Variants in CLVS1 observed in about 807,000 individuals in gnomAD.
The protein encoded by CLVS1 is clavesin 1.
A neutral mutation model predicts 33.1 loss-of-function variants in CLVS1; 10 were observed. The observed-to-expected ratio is 0.30, with a 90% CI of 0.19 to 0.51. The LOEUF (loss-of-function observed/expected upper bound fraction) is 0.51, where lower values mean the gene tolerates loss of function less well. Among genes scored for constraint, CLVS1 ranks in the 20% least tolerant of loss-of-function variants. CLVS1 has a pLI of 0.97. For missense variants in CLVS1, 343 were observed against 433.4 expected, an observed-to-expected ratio of 0.79 and a Z score of 1.85; for synonymous variants, 163 against 166.1, an observed-to-expected ratio of 0.98 and a Z score of 0.14.
At chr8:61,047,584 C>T in the CLVS1 span, among the ~76,000 whole-genome samples, 6 of 152,258 alleles carry the variant, frequency 3.9e-5, no homozygotes, top group African/African-American at 1.4e-4. Context: ...AAAAGGGGCA[C>T]ATATACACCA....
intron 2 of CLVS1, among the ~76,000 whole-genome samples, chr8:61,239,115 T>TAA (rs1808635438): frequency 6.6e-6 from 1 of 152,222 alleles, no homozygotes; most frequent in Non-Finnish European, 1.5e-5. Context: ...CAAAAAACTA[T>TAA]ACCTTTTTAA....
At chr8:61,314,309 G>C (rs1032371133) in intron 2 of CLVS1, among the ~76,000 whole-genome samples, 1 of 151,960 alleles carries the variant, frequency 6.6e-6, no homozygotes, top group Non-Finnish European at 1.5e-5. Flanking sequence ...CCATGGGTAG[G>C]GTATTTCACT....
intron 2 of CLVS1, among the ~76,000 whole-genome samples, chr8:61,234,584 A>G (rs1371916207): frequency 6.6e-6 from 1 of 152,296 alleles, no homozygotes; most frequent in African/African-American, 2.4e-5. Context: ...TTGCACCCTC[A>G]GGTCCACCCT....
chr8:61,461,574 C>T (rs763536715), intron 5 of CLVS1, among the ~76,000 whole-genome samples: 97 of 152,182 alleles, frequency 6.4e-4, no homozygotes, highest in Non-Finnish European at 1.1e-3. Flanking sequence ...CCCTCATAGA[C>T]CATGTGTTTA....
chr8:61,050,768 G>A, the CLVS1 span, among the ~76,000 whole-genome samples: 8 of 152,174 alleles, frequency 5.3e-5, no homozygotes, highest in Non-Finnish European at 1.2e-4. Flanking sequence ...TTCCTTCCTC[G>A]CCTTTGGCAC....
chr8:61,112,209 C>CACACACACACACACACACAT (rs141923511), intron 1 of CLVS1, among the ~76,000 whole-genome samples: 20 of 145,754 alleles, frequency 1.4e-4, no homozygotes, highest in Admixed American at 7.6e-4. Flanking sequence ...CACACACACA[C>CACACACACACACACACACAT]ACACACACAC....
the CLVS1 span, among the ~76,000 whole-genome samples, chr8:61,011,523 A>G: frequency 2.6e-5 from 4 of 152,110 alleles, no homozygotes; most frequent in Admixed American, 2.6e-4. Flanking sequence ...GTGTCGGCTC[A>G]CTGCAACATC....
intron 2 of CLVS1, among the ~76,000 whole-genome samples, chr8:61,301,761 C>T (rs781151700): frequency 3.3e-5 from 5 of 152,112 alleles, no homozygotes; most frequent in Non-Finnish European, 7.4e-5. Flanking sequence ...TTGTCTTAAC[C>T]CGACTTCATT....
intron 2 of CLVS1, among the ~76,000 whole-genome samples, chr8:61,139,884 G>C (rs577338357): frequency 9.0e-4 from 137 of 152,290 alleles, no homozygotes; most frequent in African/African-American, 3.1e-3. Flanking sequence ...GGCTACACCT[G>C]GTCCTGGATC....
intron 2 of CLVS1, among the ~76,000 whole-genome samples, chr8:61,224,916 T>C (rs1808295850): frequency 6.6e-6 from 1 of 152,206 alleles, no homozygotes; most frequent in African/African-American, 2.4e-5. Flanking sequence ...TTTCTAACCC[T>C]CTAAGTGCAC....
intron 2 of CLVS1, among the ~76,000 whole-genome samples, chr8:61,278,931 G>C (rs991569211): frequency 3.3e-5 from 5 of 152,266 alleles, no homozygotes; most frequent in Admixed American, 3.3e-4. Context: ...TGGGACAGAG[G>C]CCACAGCAAT....
chr8:61,058,172 G>C (rs748460040), intron 1 of CLVS1, among the ~76,000 whole-genome samples: 2 of 152,208 alleles, frequency 1.3e-5, no homozygotes, highest in African/African-American at 4.8e-5. Context: ...CTTATGACAG[G>C]TGCATTTTGG....
chr8:61,381,534 C>G (rs962545195), intron 3 of CLVS1, among the ~76,000 whole-genome samples: 9 of 152,084 alleles, frequency 5.9e-5, no homozygotes, highest in Non-Finnish European at 1.3e-4. Context: ...TATTTCATTA[C>G]CCAGGTAGTG....
intron 1 of CLVS1, among the ~76,000 whole-genome samples, chr8:61,121,390 C>T (rs1563410974): frequency 6.6e-6 from 1 of 152,144 alleles, no homozygotes; most frequent in Non-Finnish European, 1.5e-5. Flanking sequence ...GCCATCTTGG[C>T]TCCTTATTCA....
At chr8:61,030,514 G>C in the CLVS1 span, among the ~76,000 whole-genome samples, 2 of 152,208 alleles carry the variant, frequency 1.3e-5, no homozygotes, top group Admixed American at 6.5e-5. Flanking sequence ...TCTGTGTTCA[G>C]ACCCTGCAGT....
At chr8:61,193,528 A>G (rs1446948783) in intron 2 of CLVS1, among the ~76,000 whole-genome samples, 1 of 149,242 alleles carries the variant, frequency 6.7e-6, no homozygotes, top group Non-Finnish European at 1.5e-5. Context: ...TAAAAAAAAA[A>G]GAAAAACTCT....
chr8:61,427,766 T>G (rs1343163561), intron 3 of CLVS1, among the ~76,000 whole-genome samples: 1 of 152,252 alleles, frequency 6.6e-6, no homozygotes, highest in Non-Finnish European at 1.5e-5. Flanking sequence ...CAATGTGATG[T>G]CACATTCTCA....
At chr8:61,192,634 A>T (rs535966237) in intron 2 of CLVS1, among the ~76,000 whole-genome samples, 1 of 152,236 alleles carries the variant, frequency 6.6e-6, no homozygotes, top group African/African-American at 2.4e-5. Flanking sequence ...ACAAAGGGCT[A>T]ATATCCAGAA....
At chr8:61,046,793 C>T in the CLVS1 span, among the ~76,000 whole-genome samples, 1 of 151,448 alleles carries the variant, frequency 6.6e-6, no homozygotes, top group East Asian at 1.9e-4. Context: ...CTCTGTTTGT[C>T]TGTTATTGGT....
Sources: gnomAD v4.1 joint callset for allele counts (sites outside exome capture counted in the v4.1 genomes callset) on GRCh38, gnomAD v4.1.1 for gene constraint, MANE v1.5 for transcripts, NCBI Gene and HGNC (gene_info 2026-07-23, HGNC 2026-07-21) for gene names.